SLMAP: variants seen among roughly 807,000 people sequenced by gnomAD.
SLMAP encodes the protein sarcolemmal membrane-associated protein.
In SLMAP, 44 loss-of-function variants were observed where a neutral mutation model predicts 128.8. The observed-to-expected ratio is 0.34, with a 90% confidence interval of 0.27 to 0.44. The LOEUF (loss-of-function observed/expected upper bound fraction) is 0.44. Ranked by LOEUF, SLMAP falls within the 20% of genes least tolerant of loss-of-function variation. The pLI, the probability that SLMAP is intolerant of heterozygous loss-of-function variation, is 1.00. For missense variants in SLMAP, 787 were observed against 985.3 expected (o/e 0.80, Z 2.69); for synonymous variants, 327 against 348.8 (o/e 0.94, Z 0.70).
rs550748142 is a variant in SLMAP, at chr3:57,868,283, G to A, written c.1237+2991G>A. Among the ~76,000 whole-genome samples, 146 of 151,916 alleles carry A rather than the reference G, an allele frequency of 9.6e-4. 1 individual carries two copies. Among genetic ancestry groups the A allele is most frequent in the Non-Finnish European group, 1.1e-3 (74 of 67,930 alleles). The stretch of plus-strand genomic sequence containing the variant: ...CAAAAAAATAAAAAATAAACATAAT[G>A]AGAGCCACATACATAATTTTAAATT... On this transcript the variant is annotated intron_variant, in intron 13 of 24. Coordinates refer to ENST00000671191, the MANE Select transcript of SLMAP (RefSeq NM_001377540.1).
At chr3:57,790,600 A>G (rs2085253369) in intron 2 of SLMAP, among the ~76,000 whole-genome samples, 1 of 152,094 alleles carries the variant, frequency 6.6e-6, no homozygotes, top group African/African-American at 2.4e-5. Flanking sequence ...CTAGTTTTGC[A>G]TTCTTGTTTT....
chr3:57,824,636 G>A (rs1314576271), intron 2 of SLMAP, among the ~76,000 whole-genome samples: 3 of 152,112 alleles, frequency 2.0e-5, no homozygotes, highest in Non-Finnish European at 4.4e-5. Flanking sequence ...GTAACACAAT[G>A]TTTTGATTAC....
At chr3:57,905,213 T>C (rs752866394) in intron 17 of SLMAP, among the ~76,000 whole-genome samples, 8 of 152,214 alleles carry the variant, frequency 5.3e-5, no homozygotes, top group Non-Finnish European at 7.3e-5. Flanking sequence ...TCTATATTTA[T>C]TTCTATATAT....
chr3:57,879,619 A>G (rs1318620661), intron 14 of SLMAP, among the ~76,000 whole-genome samples: 1 of 152,216 alleles, frequency 6.6e-6, no homozygotes, highest in Non-Finnish European at 1.5e-5. Context: ...TAGTGTGACT[A>G]TAAAGAAATA....
At chr3:57,903,597 T>C (rs1447259901) in intron 17 of SLMAP, among the ~76,000 whole-genome samples, 1 of 152,210 alleles carries the variant, frequency 6.6e-6, no homozygotes, top group Admixed American at 6.5e-5. Flanking sequence ...AAATTTAATT[T>C]AGGATATTAT....
intron 3 of SLMAP, among the ~76,000 whole-genome samples, 161 bp downstream of exon 3, chr3:57,831,691 T>C (rs534590823): frequency 1.3e-5 from 2 of 152,242 alleles, no homozygotes; most frequent in Non-Finnish European, 2.9e-5. Flanking sequence ...TCCGTATTGC[T>C]CTTCTAAAAT....
At chr3:57,902,245 TAG>T (rs956337287) in intron 17 of SLMAP, 3 of 152,214 alleles carry the variant, frequency 2.0e-5, no homozygotes, top group Admixed American at 1.3e-4. Flanking sequence ...TTAAACATTT[TAG>T]AGTTTTTTTA....
rs552793045 is a variant in SLMAP at position 57,927,734 on chromosome 3, G to A, written c.*445G>A. ...TTATGAGTATTTTACTCTGAATTCT[G>A]ATCACCAGATAATTCATTTTTCTGA... is the stretch of plus-strand genomic sequence containing the variant. On this transcript the variant is annotated 3_prime_UTR_variant, in exon 25 of 25. Coordinates refer to ENST00000671191, the MANE Select transcript of SLMAP (RefSeq NM_001377540.1). The A allele has an allele frequency of 3.3e-4, 51 of 155,658 alleles. No individual in the cohort carries two copies. The highest frequency in any genetic ancestry group is 1.2e-3 in the African/African-American group (48 of 41,610). 9.6% of individuals were successfully genotyped at this position (155,658 alleles called of 1,614,324 possible). A position where few individuals can be genotyped will look rare whatever the true frequency, so the allele number is the denominator to read the frequency against.
In SLMAP at chr3:57,869,634, A is replaced by ATATAT. The variant is rs1553900265; in HGVS notation, c.1238-2001_1238-1997dup. On this transcript the variant is annotated intron_variant, in intron 13 of 24. Coordinates refer to ENST00000671191, the MANE Select transcript of SLMAP (RefSeq NM_001377540.1). ...CATAGCAAGATCCCATCTCTATTAT[A>ATATAT]TATATATATATATATATATATATAT... Among the ~76,000 whole-genome samples, 3 of 122,292 alleles carry ATATAT rather than the reference A, an allele frequency of 2.5e-5. No individual in the cohort carries two copies. The East Asian group carries it at 8.5e-4, about 35-fold the overall frequency. 80.2% of individuals were successfully genotyped at this position (122,292 alleles called of 152,430 possible).
chr3:57,767,747 T>A (rs1270454363), intron 2 of SLMAP, among the ~76,000 whole-genome samples: 7 of 152,188 alleles, frequency 4.6e-5, no homozygotes, highest in Non-Finnish European at 7.3e-5. Flanking sequence ...GATCATCTAG[T>A]GGTAACTATG....
intron 14 of SLMAP, among the ~76,000 whole-genome samples, chr3:57,884,766 G>A (rs1011943067): frequency 2.6e-5 from 4 of 152,110 alleles, no homozygotes; most frequent in Admixed American, 2.0e-4. Context: ...CAGAGATCAC[G>A]CCACTGCACT....
chr3:57,778,881 C>T (rs1461774274), intron 2 of SLMAP, among the ~76,000 whole-genome samples: 1 of 152,132 alleles, frequency 6.6e-6, no homozygotes, highest in African/African-American at 2.4e-5. Context: ...TTTTGACAAA[C>T]AGTGTGACAT....
intron 2 of SLMAP, among the ~76,000 whole-genome samples, chr3:57,814,078 C>T (rs986151787): frequency 4.3e-4 from 65 of 151,022 alleles, no homozygotes; most frequent in African/African-American, 1.5e-3. Flanking sequence ...TTATGACCTT[C>T]TGTGAGCATT....
chr3:57,769,823 T>C (rs931515330), intron 2 of SLMAP, among the ~76,000 whole-genome samples: 14 of 152,220 alleles, frequency 9.2e-5, no homozygotes, highest in African/African-American at 3.4e-4. Flanking sequence ...AAATGTAGTA[T>C]ATAGATAGTA....
intron 3 of SLMAP, among the ~76,000 whole-genome samples, chr3:57,835,328 G>C (rs1386511427): frequency 1.3e-5 from 2 of 151,636 alleles, no homozygotes; most frequent in African/African-American, 4.8e-5. Context: ...CTGGCAGCTT[G>C]CACTTGTCTC....
chr3:57,861,844 G>T (rs1163091672), intron 9 of SLMAP, 105 bp from the exon 10 acceptor site: 34 of 958,428 alleles, frequency 3.5e-5, no homozygotes, highest in Admixed American at 2.3e-5. Context: ...TGTTGATTTA[G>T]AATAGTCCAT....
Position 57,927,502 on chromosome 3 carries a change from A to G in SLMAP, c.*213A>G. 1 of 515,064 alleles carries G rather than the reference A, an allele frequency of 1.9e-6. No homozygotes were observed. Among genetic ancestry groups the G allele is most frequent in the Non-Finnish European group, 3.6e-6 (1 of 281,182 alleles). 31.9% of individuals were successfully genotyped at this position (515,064 alleles called of 1,614,324 possible). On this transcript the variant is annotated 3_prime_UTR_variant, in exon 25 of 25. Transcript: ENST00000671191. The stretch of plus-strand genomic sequence containing the variant: ...TTACCTCTTAAAACAGCAGAAGTAC[A>G]AGAATACAGCTGTAGGGTCATTGCT...
chr3:57,783,417 C>T (rs1173988721), intron 2 of SLMAP, among the ~76,000 whole-genome samples: 2 of 152,058 alleles, frequency 1.3e-5, no homozygotes, highest in African/African-American at 4.8e-5. Flanking sequence ...TGTGTCCTTG[C>T]CCTAGGTCTT....
At chr3:57,843,140 A>G (rs1262611648) in intron 4 of SLMAP, among the ~76,000 whole-genome samples, 1 of 152,284 alleles carries the variant, frequency 6.6e-6, no homozygotes, top group African/African-American at 2.4e-5. Flanking sequence ...GTATGCCAGA[A>G]AGCCTAGAGT....
Sources: gnomAD v4.1 joint callset for allele counts (sites outside exome capture counted in the v4.1 genomes callset) on GRCh38, gnomAD v4.1.1 for gene constraint, MANE v1.5 for transcripts, NCBI Gene and HGNC (gene_info 2026-07-23, HGNC 2026-07-21) for gene names.